The following AMBRA1 variants were observed in gnomAD, a reference collection of about 807,000 sequenced individuals.
The protein encoded by AMBRA1 is activating molecule in BECN1-regulated autophagy protein 1.
AMBRA1 carries 47 observed loss-of-function variants against 125.4 expected under a neutral mutation model. The ratio of observed to expected loss-of-function variants is 0.37; its 90% CI spans 0.30 to 0.48. The LOEUF (loss-of-function observed/expected upper bound fraction) is 0.48. Ranked by LOEUF, AMBRA1 falls within the 20% of genes least tolerant of loss-of-function variation. AMBRA1 has a pLI of 0.99. For missense variants in AMBRA1, 1,331 were observed against 1,693.4 expected (o/e 0.79, Z 3.76); for synonymous variants, 626 against 655.5 (o/e 0.95, Z 0.69).
intron 8 of AMBRA1, among the ~76,000 whole-genome samples, chr11:46,510,429 C>T (rs1951212273): frequency 6.6e-6 from 1 of 152,190 alleles, no homozygotes; most frequent in South Asian, 2.1e-4. Flanking sequence ...TGGTTAAATT[C>T]TCAAGTCAAT....
At chr11:46,572,472 T>C (rs1053060363) in intron 1 of AMBRA1, among the ~76,000 whole-genome samples, 1 of 152,126 alleles carries the variant, frequency 6.6e-6, no homozygotes, top group Non-Finnish European at 1.5e-5. Flanking sequence ...TAATCAATCA[T>C]AGATACATCC....
intron 11 of AMBRA1, among the ~76,000 whole-genome samples, chr11:46,454,161 G>A (rs867656560): frequency 6.6e-6 from 1 of 152,078 alleles, no homozygotes; most frequent in Non-Finnish European, 1.5e-5. Flanking sequence ...TACAGTGTAT[G>A]AGGAAAGGAA....
intron 9 of AMBRA1, among the ~76,000 whole-genome samples, chr11:46,503,812 G>T (rs1017780976): frequency 1.3e-5 from 2 of 152,174 alleles, no homozygotes; most frequent in African/African-American, 2.4e-5. Context: ...GAAATCCAAA[G>T]TACAGCCCGT....
intron 16 of AMBRA1, 40 bp downstream of exon 16, chr11:46,410,236 G>A (rs1390295083): frequency 1.9e-6 from 3 of 1,597,140 alleles, no homozygotes; most frequent in East Asian, 2.2e-5. Context: ...GAAGGGATGG[G>A]CCTCCAGCCA....
At chr11:46,574,043 A>G (rs1201939137) in intron 1 of AMBRA1, among the ~76,000 whole-genome samples, 1 of 132,306 alleles carries the variant, frequency 7.6e-6, no homozygotes, top group African/African-American at 3.1e-5. Flanking sequence ...TATGTGCCAC[A>G]TTTTCTTAAT....
Position 46,543,328 on chromosome 11 carries a change from T to G in AMBRA1, c.689A>C (p.Gln230Pro). Residue 230 changes from glutamine to proline, a missense_variant, in exon 7 of 18, where the codon CAA becomes CCA. Physicochemically the swap from Gln to Pro is moderately conservative, Grantham distance 76. Around this residue, in one of 4 missense-constraint regions of AMBRA1, gnomAD observed 689 missense variants for 776.5 expected, o/e 0.89. Coordinates refer to ENST00000683756, the MANE Select transcript of AMBRA1 (RefSeq NM_001387011.1). ...LSHYRQRALL[Q>P]SQPVRRTPLL... is the part of the protein sequence containing the mutation. ...AGGCGTCCGGCGAACTGGCTGTGAT[T>G]GCAGGAGGGCACGCTGACGGTAGTG... 6.2e-7 allele frequency: 1 copy of G among 1,614,036 alleles called. No individual in the cohort carries two copies. The highest frequency in any genetic ancestry group is 2.2e-5 in the East Asian group (1 of 44,866).
intron 14 of AMBRA1, among the ~76,000 whole-genome samples, chr11:46,419,776 A>C (rs1053837621): frequency 1.3e-5 from 2 of 152,112 alleles, no homozygotes; most frequent in East Asian, 3.9e-4. Flanking sequence ...TACAATTATA[A>C]TTATTTTTCT....
intron 11 of AMBRA1, among the ~76,000 whole-genome samples, chr11:46,482,696 C>G (rs1257448535): frequency 6.6e-6 from 1 of 152,074 alleles, no homozygotes; most frequent in African/African-American, 2.4e-5. Flanking sequence ...TTGGCTTCTA[C>G]TTTACCAGCT....
intron 7 of AMBRA1, among the ~76,000 whole-genome samples, chr11:46,535,650 A>G (rs1342004480): frequency 6.6e-6 from 1 of 152,220 alleles, no homozygotes; most frequent in Non-Finnish European, 1.5e-5. Context: ...AAATACCAAC[A>G]GCACTGACTG....
intron 14 of AMBRA1, among the ~76,000 whole-genome samples, chr11:46,428,008 C>CAAAAAAAA (rs57618324): frequency 1.6e-5 from 1 of 63,384 alleles, no homozygotes; most frequent in Non-Finnish European, 3.0e-5. Flanking sequence ...GACTCCATGT[C>CAAAAAAAA]AAAAAAAAAA....
intron 12 of AMBRA1, among the ~76,000 whole-genome samples, chr11:46,437,375 T>C (rs1288177832): frequency 6.6e-6 from 1 of 152,212 alleles, no homozygotes; most frequent in African/African-American, 2.4e-5. Context: ...GCTACTGCAA[T>C]GAGCTCACAG....
chr11:46,486,264 G>A (rs1259220635), intron 11 of AMBRA1, among the ~76,000 whole-genome samples: 1 of 152,134 alleles, frequency 6.6e-6, no homozygotes, highest in African/African-American at 2.4e-5. Context: ...AAAGATAAAG[G>A]GAGATCAAAG....
intron 11 of AMBRA1, among the ~76,000 whole-genome samples, chr11:46,466,463 G>T (rs1949328616): frequency 6.6e-6 from 1 of 152,208 alleles, no homozygotes; most frequent in Admixed American, 6.5e-5. Context: ...GAAATTTACA[G>T]AGTACAGAGG....
chr11:46,409,445 G>C (rs1197408042), intron 16 of AMBRA1, among the ~76,000 whole-genome samples: 1 of 152,224 alleles, frequency 6.6e-6, no homozygotes, highest in East Asian at 1.9e-4. Flanking sequence ...TGATCCGCCC[G>C]CCTCAGCCTC....
At chr11:46,508,791 C>G (rs944289485) in intron 8 of AMBRA1, among the ~76,000 whole-genome samples, 2 of 152,228 alleles carry the variant, frequency 1.3e-5, no homozygotes, top group African/African-American at 4.8e-5. Flanking sequence ...TATCTACCAT[C>G]ATGTTTTACA....
intron 9 of AMBRA1, among the ~76,000 whole-genome samples, chr11:46,498,395 G>C (rs1012392061): frequency 6.6e-6 from 1 of 152,160 alleles, no homozygotes; most frequent in African/African-American, 2.4e-5. Context: ...AGCTGGCTGG[G>C]TTATTAATGG....
chr11:46,492,079 T>G (rs781350986), intron 11 of AMBRA1, among the ~76,000 whole-genome samples: 1 of 152,116 alleles, frequency 6.6e-6, no homozygotes, highest in Non-Finnish European at 1.5e-5. Flanking sequence ...AGCTTTAACG[T>G]GCCTTCGGTT....
chr11:46,539,655 C>A (rs954712480), intron 7 of AMBRA1, among the ~76,000 whole-genome samples: 23 of 152,196 alleles, frequency 1.5e-4, no homozygotes, highest in African/African-American at 5.5e-4. Context: ...CACTCAGAGA[C>A]CTATTATATG....
At chr11:46,524,006 T>C (rs374635899) in intron 7 of AMBRA1, among the ~76,000 whole-genome samples, 1 of 152,246 alleles carries the variant, frequency 6.6e-6, no homozygotes, top group East Asian at 1.9e-4. Flanking sequence ...GTAGCTGGGA[T>C]TACAGGGATG....
Sources: allele counts gnomAD v4.1 joint callset (sites outside exome capture counted in the v4.1 genomes callset), GRCh38; gene constraint gnomAD v4.1.1; regional missense constraint gnomAD v4.1.1; transcripts MANE v1.5; gene names NCBI Gene and HGNC (gene_info 2026-07-23, HGNC 2026-07-21).